Variants in PTPRA observed in about 807,000 individuals in gnomAD.
PTPRA encodes the protein receptor-type tyrosine-protein phosphatase alpha.
Under a neutral mutation model 104.8 loss-of-function variants are expected in PTPRA, and 25 were observed. That is an observed-to-expected ratio of 0.24 (90% confidence interval 0.17 to 0.33). The LOEUF (loss-of-function observed/expected upper bound fraction) is 0.33, where lower values mean the gene tolerates loss of function less well. Ranked by LOEUF, PTPRA falls within the 10% of genes least tolerant of loss-of-function variation. PTPRA has a pLI of 1.00. For missense variants in PTPRA, 765 were observed against 1,015.3 expected (o/e 0.75, Z 3.35); for synonymous variants, 323 against 368.9 (o/e 0.88, Z 1.43).
Position 2,933,131 on chromosome 20 carries a change from TC to T in PTPRA, c.-50+9847del, listed in dbSNP as rs2060567242. 3.3e-5 allele frequency among the ~76,000 whole-genome samples: 5 copies of T among 152,324 alleles called. No homozygotes were observed. In the South Asian group the frequency reaches 1.0e-3, roughly 32 times the overall value. ...CAATTATAGCAGTACACTTTGAGGT[TC>T]TTTTCCCCTTAGCTTATGAACATTT... On this transcript the variant is annotated intron_variant, in intron 2 of 23. Transcript: ENST00000399903.
At chr20:2,943,857 A>C (rs949208326) in intron 2 of PTPRA, among the ~76,000 whole-genome samples, 50 of 152,294 alleles carry the variant, frequency 3.3e-4, no homozygotes, top group African/African-American at 1.2e-3. Context: ...GTTAATACTT[A>C]AGTATTATGA....
At chr20:2,910,173 C>T (rs28796898) in intron 1 of PTPRA, among the ~76,000 whole-genome samples, 59 of 94,390 alleles carry the variant, frequency 6.3e-4, no homozygotes, top group African/African-American at 2.1e-3. Context: ...TATAATATGA[C>T]GTATAGTATA....
At chr20:2,911,774 G>T (rs2059731181) in intron 1 of PTPRA, among the ~76,000 whole-genome samples, 1 of 152,034 alleles carries the variant, frequency 6.6e-6, no homozygotes, top group African/African-American at 2.4e-5. Context: ...TGGGAGTATG[G>T]GTAGATACGT....
chr20:2,974,638 C>A (rs1358253755), intron 5 of PTPRA, among the ~76,000 whole-genome samples: 1 of 152,124 alleles, frequency 6.6e-6, no homozygotes, highest in African/African-American at 2.4e-5. Flanking sequence ...CCATGTTGGC[C>A]AGGCTGGTCT....
intron 1 of PTPRA, among the ~76,000 whole-genome samples, chr20:2,887,004 T>G (rs1276341053): frequency 1.3e-5 from 2 of 152,190 alleles, no homozygotes; most frequent in East Asian, 1.9e-4. Context: ...AAAAAATGAT[T>G]ATCACAGTTT....
intron 3 of PTPRA, among the ~76,000 whole-genome samples, chr20:2,953,012 G>A (rs74571673): frequency 6.6e-6 from 1 of 152,158 alleles, no homozygotes; most frequent in Non-Finnish European, 1.5e-5. Context: ...TGCTGTGAAT[G>A]TTGTTGTATA....
intron 17 of PTPRA, among the ~76,000 whole-genome samples, chr20:3,025,452 CAAAAAAA>C (rs11087563): frequency 9.2e-6 from 1 of 108,468 alleles, no homozygotes; most frequent in Non-Finnish European, 2.0e-5. Context: ...GACTCCATCT[CAAAAAAA>C]AAAAAAAAAA....
intron 1 of PTPRA, among the ~76,000 whole-genome samples, chr20:2,910,161 T>C (rs1332801748): frequency 7.0e-5 from 3 of 42,712 alleles, no homozygotes; most frequent in Non-Finnish European, 1.5e-4. Context: ...CTATACGTCA[T>C]ATATAATATG....
chr20:2,960,527 A>G (rs1301132820), intron 3 of PTPRA, among the ~76,000 whole-genome samples: 1 of 151,838 alleles, frequency 6.6e-6, no homozygotes, highest in African/African-American at 2.4e-5. Flanking sequence ...GATTACAGGC[A>G]TGAGCCACCA....
chr20:2,874,425 T>G (rs139653940), intron 1 of PTPRA, among the ~76,000 whole-genome samples: 118 of 151,954 alleles, frequency 7.8e-4, no homozygotes, highest in African/African-American at 2.8e-3. Flanking sequence ...GAGTCCTGTC[T>G]TGAGGGTTTC....
chr20:2,943,673 A>G (rs1316474641), intron 2 of PTPRA, among the ~76,000 whole-genome samples: 2 of 152,178 alleles, frequency 1.3e-5, no homozygotes, highest in Admixed American at 6.5e-5. Context: ...TTAAACCATT[A>G]TTAATCTCCA....
chr20:3,018,779 C>T (rs1323096529), intron 13 of PTPRA, among the ~76,000 whole-genome samples: 1 of 142,764 alleles, frequency 7.0e-6, no homozygotes, highest in Non-Finnish European at 1.5e-5. Flanking sequence ...CAGAGGGGCT[C>T]CTCACTTCCC....
At chr20:2,865,133 T>C in the PTPRA span, 2 of 1,614,094 alleles carry the variant, frequency 1.2e-6, no homozygotes, top group Non-Finnish European at 1.7e-6. The surrounding 1 kb of genome is among the most constrained non-coding windows in gnomAD (Gnocchi z 5.2). Context: ...CATGCCTCAT[T>C]ATCCGGGTCC....
intron 2 of PTPRA, among the ~76,000 whole-genome samples, chr20:2,946,074 G>A (rs1186065429): frequency 6.6e-6 from 1 of 152,076 alleles, no homozygotes; most frequent in Non-Finnish European, 1.5e-5. Context: ...CTACACAGGG[G>A]ATAAGAATGG....
intron 9 of PTPRA, among the ~76,000 whole-genome samples, chr20:2,990,966 AT>A (rs1231609913): frequency 6.6e-6 from 1 of 152,188 alleles, no homozygotes; most frequent in Non-Finnish European, 1.5e-5. Flanking sequence ...GTGGGAGACC[AT>A]TTACCAGGCA....
intron 1 of PTPRA, among the ~76,000 whole-genome samples, chr20:2,881,892 C>T (rs1412320870): frequency 1.3e-5 from 2 of 152,010 alleles, no homozygotes; most frequent in Admixed American, 6.6e-5. Context: ...CCCAGCTACT[C>T]GGGAGGCTGA....
chr20:2,892,966 T>A (rs2058858348), intron 1 of PTPRA, among the ~76,000 whole-genome samples: 1 of 152,372 alleles, frequency 6.6e-6, no homozygotes, highest in South Asian at 2.1e-4. Flanking sequence ...GCATTAATTC[T>A]GTTTTTATAC....
chr20:2,922,806 T>A (rs979211060), intron 1 of PTPRA, among the ~76,000 whole-genome samples: 5 of 151,986 alleles, frequency 3.3e-5, no homozygotes, highest in African/African-American at 1.2e-4. Flanking sequence ...AGCTAATTTT[T>A]GTATTTTTAG....
Position 2,950,746 on chromosome 20 carries a change from A to T in PTPRA, c.-7+2722A>T. Among the ~76,000 whole-genome samples, 1 of 152,174 alleles carries T rather than the reference A, an allele frequency of 6.6e-6. No homozygotes were observed. Among genetic ancestry groups the T allele is most frequent in the East Asian group, 1.9e-4 (1 of 5,200 alleles). On this transcript the variant is annotated intron_variant, in intron 3 of 23. Coordinates refer to ENST00000399903, the MANE Select transcript of PTPRA (RefSeq NM_001385305.1). The surrounding 1 kb of genome is among the most constrained non-coding windows in gnomAD (Gnocchi z 4.0). ...TCATTTTTATTATACAATAAAATGA[A>T]ATTCTTTTCATTGTATTTCTTTTCA...
Sources: gnomAD v4.1 joint callset for allele counts (sites outside exome capture counted in the v4.1 genomes callset) on GRCh38, gnomAD v4.1.1 for gene constraint, Gnocchi (gnomAD v3.1) non-coding constraint, MANE v1.5 for transcripts, NCBI Gene and HGNC (gene_info 2026-07-23, HGNC 2026-07-21) for gene names.